Variants in TYW1 observed in about 807,000 individuals in gnomAD.
The protein encoded by TYW1 is tRNA-yW synthesizing protein 1 homolog.
TYW1 carries 46 observed loss-of-function variants against 96.2 expected under a neutral mutation model. The ratio of observed to expected loss-of-function variants is 0.48; its 90% confidence interval spans 0.38 to 0.61. TYW1 has a LOEUF of 0.61. Ranked by LOEUF, TYW1 falls within the 20% of genes least tolerant of loss-of-function variation. The pLI, the probability that TYW1 is intolerant of heterozygous loss-of-function variation, is 0.00. For synonymous variants in TYW1, 274 were observed against 323.0 expected (o/e 0.85, Z 1.63); for missense variants, 684 against 909.6 (o/e 0.75, Z 3.19).
intron 13 of TYW1, among the ~76,000 whole-genome samples, chr7:67,141,322 T>C: frequency 6.6e-6 from 1 of 152,206 alleles, no homozygotes. Context: ...TAAGAGGCCA[T>C]CATAAAAATA....
intron 15 of TYW1, among the ~76,000 whole-genome samples, chr7:67,198,332 C>T (rs1800470148): frequency 6.6e-6 from 1 of 152,038 alleles, no homozygotes; most frequent in Admixed American, 6.6e-5. Flanking sequence ...GGGCAGATCA[C>T]TTGAGGTCAG....
intron 12 of TYW1, among the ~76,000 whole-genome samples, chr7:67,113,598 C>T (rs1184382790): frequency 2.0e-5 from 3 of 151,782 alleles, no homozygotes; most frequent in Non-Finnish European, 4.4e-5. Context: ...ATCTCCTTGA[C>T]GCTTACTGTT....
intron 12 of TYW1, among the ~76,000 whole-genome samples, chr7:67,113,232 G>A (rs1797479691): frequency 7.3e-6 from 1 of 136,820 alleles, no homozygotes; most frequent in East Asian, 2.0e-4. Context: ...GCGCTGCGTG[G>A]TGGGACTCTC....
At chr7:67,005,578 A>G (rs1230525598) in intron 3 of TYW1, among the ~76,000 whole-genome samples, 1 of 152,238 alleles carries the variant, frequency 6.6e-6, no homozygotes, top group Middle Eastern at 3.2e-3. Context: ...CCTGGGTGAC[A>G]GAGTGAGACC....
chr7:67,216,492 C>T (rs1269837670), intron 15 of TYW1, among the ~76,000 whole-genome samples: 4 of 141,582 alleles, frequency 2.8e-5, no homozygotes, highest in East Asian at 4.0e-4. Flanking sequence ...CCGCCATAGA[C>T]GAGGTGTGTC....
rs192988858 is a variant in TYW1, at chr7:67,158,806, C to T, written c.1699-24320C>T. Among the ~76,000 whole-genome samples the T allele has an allele frequency of 3.2e-3, 489 of 151,538 alleles. 5 individuals carry two copies. The highest frequency in any genetic ancestry group is 5.1e-3 in the East Asian group (26 of 5,074). On this transcript the variant is annotated intron_variant, in intron 13 of 15. Coordinates refer to ENST00000359626, the MANE Select transcript of TYW1 (RefSeq NM_018264.4). ...CAGGATGGTCTCGATCTCCTGACCT[C>T]GTGATCTGCCCGCCTCAGCCTCCCA...
At chr7:67,121,305 G>A (rs1224446501) in intron 13 of TYW1, among the ~76,000 whole-genome samples, 1 of 152,224 alleles carries the variant, frequency 6.6e-6, no homozygotes, top group Non-Finnish European at 1.5e-5. Flanking sequence ...GGAGGCTGAG[G>A]TGGGCAGATC....
chr7:67,217,252 C>A (rs1309095642), intron 15 of TYW1, among the ~76,000 whole-genome samples: 1 of 152,114 alleles, frequency 6.6e-6, no homozygotes, highest in Admixed American at 6.6e-5. Context: ...TTGATGCATG[C>A]CTTTTAAATT....
At chr7:67,097,363 A>G (rs1210428505) in intron 11 of TYW1, among the ~76,000 whole-genome samples, 1 of 152,192 alleles carries the variant, frequency 6.6e-6, no homozygotes, top group Non-Finnish European at 1.5e-5. Context: ...ACCCACTCTG[A>G]TGAAACAGAC....
chr7:67,229,335 T>C (rs28420076), intron 15 of TYW1, among the ~76,000 whole-genome samples: 40,611 of 151,780 alleles, frequency 0.27, 5,770 homozygotes, highest in African/African-American at 0.36. Flanking sequence ...GTCAGGAGTT[T>C]GAGACCAGCC....
intron 13 of TYW1, among the ~76,000 whole-genome samples, chr7:67,122,918 C>T (rs557008191): frequency 7.0e-4 from 107 of 152,210 alleles, no homozygotes; most frequent in African/African-American, 2.5e-3. Flanking sequence ...TTGAATGCAG[C>T]CAGAGATGAC....
At chr7:67,024,670 A>G (rs1794388710) in intron 6 of TYW1, among the ~76,000 whole-genome samples, 1 of 151,804 alleles carries the variant, frequency 6.6e-6, no homozygotes, top group Non-Finnish European at 1.5e-5. Context: ...GATCCTAGCT[A>G]CTTGGGAGGC....
chr7:67,011,290 G>A (rs961128496), intron 4 of TYW1, among the ~76,000 whole-genome samples: 15 of 152,350 alleles, frequency 9.8e-5, no homozygotes, highest in African/African-American at 2.4e-4. Context: ...TATTTGCCTC[G>A]GCCTCCCATA....
At chr7:67,049,772 C>T (rs562125990) in intron 7 of TYW1, among the ~76,000 whole-genome samples, 177 bp from the exon 8 acceptor site, 79 of 152,190 alleles carry the variant, frequency 5.2e-4, no homozygotes, top group Middle Eastern at 3.4e-3. Context: ...GTCTCGATCT[C>T]CTGACCTCAG....
At chr7:67,199,561 G>GT (rs1411874259) in intron 15 of TYW1, among the ~76,000 whole-genome samples, 3 of 152,252 alleles carry the variant, frequency 2.0e-5, no homozygotes, top group African/African-American at 7.2e-5. Context: ...AGTGATTTTT[G>GT]TAAGTGTACC....
chr7:67,044,038 T>C (rs1795108651), intron 7 of TYW1, among the ~76,000 whole-genome samples: 1 of 151,998 alleles, frequency 6.6e-6, no homozygotes, highest in African/African-American at 2.4e-5. Context: ...TGATTCCTTT[T>C]CAGTGATATA....
chr7:67,132,844 T>TC (rs1798125252), intron 13 of TYW1, among the ~76,000 whole-genome samples: 1 of 152,236 alleles, frequency 6.6e-6, no homozygotes, highest in Non-Finnish European at 1.5e-5. Context: ...CTGTAAATAT[T>TC]CCCCGATGTA....
At chr7:67,086,861 G>A (rs969737423) in intron 11 of TYW1, among the ~76,000 whole-genome samples, 18 of 152,128 alleles carry the variant, frequency 1.2e-4, no homozygotes, top group Non-Finnish European at 2.6e-4. Flanking sequence ...AACCATCACA[G>A]ATAGTAATAT....
intron 15 of TYW1, among the ~76,000 whole-genome samples, chr7:67,212,167 T>C (rs1321915227): frequency 2.0e-5 from 3 of 152,190 alleles, no homozygotes; most frequent in African/African-American, 7.2e-5. Flanking sequence ...ATTATTGTTC[T>C]ATATTTATAG....
Sources: gnomAD v4.1 joint callset for allele counts (sites outside exome capture counted in the v4.1 genomes callset) on GRCh38, gnomAD v4.1.1 for gene constraint, MANE v1.5 for transcripts, NCBI Gene and HGNC (gene_info 2026-07-23, HGNC 2026-07-21) for gene names.